ASPH: variants seen among roughly 807,000 people sequenced by gnomAD.
The protein encoded by ASPH is aspartate beta-hydroxylase.
ASPH carries 100 observed loss-of-function variants against 118.4 expected under a neutral mutation model. That is an observed-to-expected ratio of 0.84 (90% confidence interval 0.72 to 1.00). The LOEUF is 1.00. Ranked by LOEUF, ASPH falls within the 50% of genes least tolerant of loss-of-function variation. The pLI is 0.00. For synonymous variants in ASPH, 315 were observed against 325.6 expected (o/e 0.97, Z 0.35); for missense variants, 920 against 919.5 (o/e 1.00, Z -0.01).
intron 13 of ASPH, among the ~76,000 whole-genome samples, chr8:61,627,011 T>A (rs1019959348): frequency 6.6e-6 from 1 of 152,164 alleles, no homozygotes; most frequent in Non-Finnish European, 1.5e-5. Context: ...CCTTCCTACT[T>A]TCCTAAGAAT....
intron 20 of ASPH, among the ~76,000 whole-genome samples, chr8:61,551,768 C>A (rs1028043783): frequency 6.6e-6 from 1 of 152,160 alleles, no homozygotes; most frequent in Non-Finnish European, 1.5e-5. Context: ...GTAGCAAAAT[C>A]TTTCTTATCC....
intron 22 of ASPH, among the ~76,000 whole-genome samples, chr8:61,524,146 C>A (rs1814324366): frequency 6.6e-6 from 1 of 152,168 alleles, no homozygotes; most frequent in African/African-American, 2.4e-5. Flanking sequence ...CACACAGGCA[C>A]ATATACATAT....
rs902775596 is a variant in ASPH, at chr8:61,619,510, T to C, written c.935-491A>G. Among the ~76,000 whole-genome samples, 18 of 152,298 alleles carry C rather than the reference T, an allele frequency of 1.2e-4. No individual in the cohort carries two copies. The South Asian group carries it at 1.2e-3, about 11-fold the overall frequency. On this transcript the variant is annotated intron_variant, in intron 13 of 24. Coordinates refer to ENST00000379454, the MANE Select transcript of ASPH (RefSeq NM_004318.4). Reference sequence around the variant, plus strand: ...AAGGACTTCACATATACACAGATGATCCATTGGGGGAGCTTGTGCTGAAGC... The same window carrying C: ...AAGGACTTCACATATACACAGATGACCCATTGGGGGAGCTTGTGCTGAAGC...
intron 1 of ASPH, among the ~76,000 whole-genome samples, chr8:61,699,195 A>C (rs13275910): frequency 0.84 from 128,356 of 152,226 alleles, 54,331 homozygotes; most frequent in African/African-American, 0.9. Context: ...CTTGCAGAAA[A>C]CATGATCAAC....
At chr8:61,619,643 C>A (rs1412458175) in intron 13 of ASPH, among the ~76,000 whole-genome samples, 1 of 152,150 alleles carries the variant, frequency 6.6e-6, no homozygotes, top group Non-Finnish European at 1.5e-5. Flanking sequence ...GACAGTGACA[C>A]CCACCAACAG....
intron 3 of ASPH, chr8:61,665,153 AC>A (rs1818885424): frequency 1.8e-5 from 26 of 1,485,474 alleles, no homozygotes; most frequent in Non-Finnish European, 2.2e-5. Flanking sequence ...TAATTTACAC[AC>A]CCTCACCAAT....
intron 17 of ASPH, among the ~76,000 whole-genome samples, chr8:61,566,311 G>A (rs943407187): frequency 6.6e-6 from 1 of 152,290 alleles, no homozygotes; most frequent in African/African-American, 2.4e-5. Flanking sequence ...AAGATAACTA[G>A]AATTAGAAGT....
chr8:61,583,943 C>T lies in ASPH; in HGVS notation c.1062+1G>A, dbSNP rs1178529792. 3 of 1,567,382 alleles carry T rather than the reference C, an allele frequency of 1.9e-6. No homozygotes were observed. Among genetic ancestry groups the T allele is most frequent in the African/African-American group, 1.4e-5 (1 of 72,658 alleles). ...CCATTGCACAAAAAATATCAACCTA[C>T]CCTTTTACGGAGTTTTTCTGCAGCA... On this transcript the variant is annotated splice_donor_variant, in intron 15 of 24. Coordinates refer to ENST00000379454, the MANE Select transcript of ASPH (RefSeq NM_004318.4). LOFTEE classifies it high-confidence loss of function.
chr8:61,665,519 C>A (rs374924201), intron 3 of ASPH: 3 of 1,569,552 alleles, frequency 1.9e-6, no homozygotes, highest in Non-Finnish European at 2.6e-6. Context: ...CTCTTTCTTC[C>A]CCTTTTTTCT....
chr8:61,655,546 A>T (rs770589423), intron 3 of ASPH, among the ~76,000 whole-genome samples: 16 of 152,186 alleles, frequency 1.1e-4, no homozygotes, highest in Non-Finnish European at 2.1e-4. Flanking sequence ...AACGATAAAG[A>T]TCTAAACTGC....
At chr8:61,599,489 AAAG>A (rs1479354176) in intron 14 of ASPH, among the ~76,000 whole-genome samples, 2 of 151,798 alleles carry the variant, frequency 1.3e-5, no homozygotes, top group Non-Finnish European at 1.5e-5. Context: ...AAAAAAAAAA[AAAG>A]AAAAGAAAAA....
chr8:61,705,459 G>A (rs1164764015), intron 1 of ASPH, among the ~76,000 whole-genome samples: 3 of 151,968 alleles, frequency 2.0e-5, no homozygotes, highest in African/African-American at 7.2e-5. Context: ...CAATAAAAAG[G>A]AACAAGTGAC....
chr8:61,592,045 T>C lies in ASPH; in HGVS notation c.977-8016A>G, dbSNP rs546035958. Among the ~76,000 whole-genome samples, 199 of 152,342 alleles carry C rather than the reference T, an allele frequency of 1.3e-3. 1 individual carries two copies. Among genetic ancestry groups the C allele is most frequent in the African/African-American group, 4.5e-3 (187 of 41,584 alleles). On this transcript the variant is annotated intron_variant, in intron 14 of 24. Transcript: ENST00000379454. ...ATTACACAGACACATCCTGGCTTGGTAGAAGGACCACAGAGTACAAGCCTG... is the reference window on the plus strand; with the variant it reads ...ATTACACAGACACATCCTGGCTTGGCAGAAGGACCACAGAGTACAAGCCTG...
chr8:61,647,725 T>C (rs1437560900), intron 5 of ASPH, among the ~76,000 whole-genome samples: 1 of 152,088 alleles, frequency 6.6e-6, no homozygotes, highest in African/African-American at 2.4e-5. Flanking sequence ...AAATAAATTA[T>C]ATGCTAGGTC....
intron 14 of ASPH, among the ~76,000 whole-genome samples, chr8:61,586,397 A>C (rs184409572): frequency 6.6e-6 from 1 of 152,322 alleles, no homozygotes; most frequent in Admixed American, 6.5e-5. Context: ...GCTATTCCTC[A>C]CACATCTATT....
intron 13 of ASPH, among the ~76,000 whole-genome samples, chr8:61,622,380 C>T (rs1001752515): frequency 2.6e-5 from 4 of 152,162 alleles, no homozygotes; most frequent in South Asian, 2.1e-4. Context: ...ATACTGTACT[C>T]GTGTTCCAGC....
At chr8:61,656,211 C>G (rs999363431) in intron 3 of ASPH, 2 of 152,178 alleles carry the variant, frequency 1.3e-5, no homozygotes, top group Non-Finnish European at 2.9e-5. Flanking sequence ...TAGGTTATGA[C>G]ATGAGATGTG....
At chr8:61,701,657 C>A (rs911740134) in intron 1 of ASPH, among the ~76,000 whole-genome samples, 1 of 152,090 alleles carries the variant, frequency 6.6e-6, no homozygotes, top group African/African-American at 2.4e-5. Context: ...CTAGAAACCA[C>A]CAAATAATCA....
chr8:61,589,278 A>T (rs771252896), intron 14 of ASPH, among the ~76,000 whole-genome samples: 1 of 152,226 alleles, frequency 6.6e-6, no homozygotes, highest in Non-Finnish European at 1.5e-5. Flanking sequence ...TTAACAAAAA[A>T]AGTTACAAGG....
Sources: gnomAD v4.1 joint callset for allele counts (sites outside exome capture counted in the v4.1 genomes callset) on GRCh38, gnomAD v4.1.1 for gene constraint, MANE v1.5 for transcripts, NCBI Gene and HGNC (gene_info 2026-07-23, HGNC 2026-07-21) for gene names.